SYN1: variants seen among roughly 807,000 people sequenced by gnomAD.
The protein encoded by SYN1 is synapsin-1.
Under a neutral mutation model 44.6 loss-of-function variants are expected in SYN1, and 8 were observed. The observed-to-expected ratio is 0.18, with a 90% CI of 0.11 to 0.32. The LOEUF (loss-of-function observed/expected upper bound fraction) is 0.32, where lower values mean the gene tolerates loss of function less well. Among genes scored for constraint, SYN1 ranks in the 10% least tolerant of loss-of-function variants. SYN1 has a pLI of 1.00. For synonymous variants in SYN1, 275 were observed against 280.1 expected (o/e 0.98, Z 0.18); for missense variants, 451 against 639.4 (o/e 0.71, Z 3.18).
intron 1 of SYN1, among the ~76,000 whole-genome samples, chrX:47,614,692 C>T (rs1363759757): frequency 8.9e-6 from 1 of 112,017 alleles, no homozygotes; most frequent in East Asian, 2.8e-4. Flanking sequence ...TCCTCAGCTT[C>T]TGGAATTATC....
chrX:47,594,374 T>G lies in SYN1; in HGVS notation c.774+10604A>C, dbSNP rs906850862. Among the ~76,000 whole-genome samples, 3 of 106,056 alleles carry G rather than the reference T, an allele frequency of 2.8e-5. No individual in the cohort carries two copies. In the East Asian group the frequency reaches 9.0e-4, roughly 32 times the overall value. The allele number at this position is 106,056 out of a possible 115,157, so 92.1% of individuals were successfully genotyped here. A position where few individuals can be genotyped will look rare whatever the true frequency, so the allele number is the denominator to read the frequency against. ...TGGTGAACCCCATCTCTACTAAAAATACAAAAATAATTAGCTGGGTGTGGT... is the reference window on the plus strand; with the variant it reads ...TGGTGAACCCCATCTCTACTAAAAAGACAAAAATAATTAGCTGGGTGTGGT... On this transcript the variant is annotated intron_variant, in intron 5 of 12. Coordinates refer to ENST00000295987, the MANE Select transcript of SYN1 (RefSeq NM_006950.3).
intron 5 of SYN1, among the ~76,000 whole-genome samples, chrX:47,599,990 A>G (rs965318835): frequency 8.0e-5 from 9 of 112,542 alleles, no homozygotes; most frequent in African/African-American, 2.6e-4. Flanking sequence ...CTTGAGATAA[A>G]GAAAAATATT....
At chrX:47,607,745 AC>A (rs1569331157) in intron 1 of SYN1, among the ~76,000 whole-genome samples, 7 of 107,289 alleles carry the variant, frequency 6.5e-5, no homozygotes, top group African/African-American at 2.4e-4. Context: ...AAAAAAAAAA[AC>A]AAAAGCCGAG....
At chrX:47,597,736 C>T (rs1405858279) in intron 5 of SYN1, among the ~76,000 whole-genome samples, 1 of 111,927 alleles carries the variant, frequency 8.9e-6, no homozygotes, top group Non-Finnish European at 1.9e-5. Context: ...GGCACCCAGA[C>T]ACATCATAAA....
At chrX:47,579,422 A>T (rs748424502) in intron 5 of SYN1, among the ~76,000 whole-genome samples, 16 of 110,871 alleles carry the variant, frequency 1.4e-4, no homozygotes, top group Non-Finnish European at 2.6e-4. Context: ...CCTGAGCCTC[A>T]GTTTCCCCAT....
chrX:47,615,922 C>A (rs1313955118), intron 1 of SYN1, among the ~76,000 whole-genome samples: 3 of 110,544 alleles, frequency 2.7e-5, no homozygotes, highest in Non-Finnish European at 5.7e-5. Context: ...AAACACAGGA[C>A]AAAATTACCC....
At chrX:47,595,019 G>A (rs1189032400) in intron 5 of SYN1, among the ~76,000 whole-genome samples, 4 of 111,067 alleles carry the variant, frequency 3.6e-5, no homozygotes, top group Admixed American at 1.9e-4. Context: ...GAGCCACTGC[G>A]CCTGGCTGTC....
At chrX:47,599,001 A>G (rs1481990884) in intron 5 of SYN1, among the ~76,000 whole-genome samples, 2 of 110,365 alleles carry the variant, frequency 1.8e-5, no homozygotes, top group Non-Finnish European at 3.8e-5. Context: ...GGCCTGGGTG[A>G]CAGAGCAAGA....
In SYN1 at chrX:47,576,152, G is replaced by A. The variant is rs762471804; in HGVS notation, c.1137C>T (p.Asp379=). ...ATACCTCAATGATGTGATCCCTTCCGTCCTTGCCATGTAGCGCTTCCACTG... is the reference window on the plus strand; with the variant it reads ...ATACCTCAATGATGTGATCCCTTCCATCCTTGCCATGTAGCGCTTCCACTG... ...ICAVEALHGK[D]GRDHIIEVVG... is the part of the protein sequence containing the mutation. Residue 379 remains aspartate (D), a synonymous_variant, in exon 9 of 13, where the codon GAC becomes GAT. Coordinates refer to ENST00000295987, the MANE Select transcript of SYN1 (RefSeq NM_006950.3). 68 of 1,200,983 alleles carry A rather than the reference G, an allele frequency of 5.7e-5. No individual in the cohort carries two copies. The highest frequency in any genetic ancestry group is 6.0e-5 in the Non-Finnish European group (53 of 890,581).
In SYN1 at chrX:47,591,316, C is replaced by T. The variant is rs868635523; in HGVS notation, c.774+13662G>A. On this transcript the variant is annotated intron_variant, in intron 5 of 12. Transcript: ENST00000295987. The stretch of plus-strand genomic sequence containing the variant: ...GAGGTGCTGCTGCCCTACCAGGCAC[C>T]AGGAATTAATGAGAAAAGTTGCTGT... Among the ~76,000 whole-genome samples the T allele has an allele frequency of 2.0e-4, 22 of 112,465 alleles. No homozygotes were observed. The Middle Eastern group carries it at 0.014, about 71-fold the overall frequency.
At chrX:47,603,904 A>AT (rs2057887264) in intron 5 of SYN1, among the ~76,000 whole-genome samples, 2 of 82,849 alleles carry the variant, frequency 2.4e-5, no homozygotes, top group Middle Eastern at 6.2e-3. Context: ...ATATATATAT[A>AT]TATTTTTTTT....
In SYN1 at chrX:47,574,021, G is replaced by T. The variant is rs1341881824; in HGVS notation, c.1963C>A (p.Pro655Thr). Residue 655 changes from proline (P) to threonine (T), a missense_variant, in exon 12 of 13, where the codon CCT becomes ACT. Physicochemically the swap from Pro to Thr is conservative, Grantham distance 38. This residue lies in a region of SYN1 where 127 missense variants were observed against 154.8 expected (regional missense o/e 0.82). Transcript: ENST00000295987. ...CCTTACTTGAGCTGGGGGTGCGGAG[G>T]TCCCCCTGCAGCGGCGGTGGCGGGT... ...PPPATAAAGG[P>T]PHPQLNKSQS... 3.5e-6 allele frequency: 4 copies of T among 1,147,679 alleles called. No individual in the cohort carries two copies. The African/African-American group carries it at 5.4e-5, about 16-fold the overall frequency. 94.6% of individuals were successfully genotyped at this position (1,147,679 alleles called of 1,213,427 possible). A position where few individuals can be genotyped will look rare whatever the true frequency, so the allele number is the denominator to read the frequency against.
intron 5 of SYN1, chrX:47,586,400 C>G: frequency 9.0e-7 from 1 of 1,111,403 alleles, no homozygotes; most frequent in Non-Finnish European, 1.2e-6. Flanking sequence ...GGGGTATGTA[C>G]TTAGGTGGGG....
chrX:47,578,723 G>A (rs1473852340), intron 5 of SYN1, among the ~76,000 whole-genome samples: 1 of 111,720 alleles, frequency 9.0e-6, no homozygotes, highest in Admixed American at 9.4e-5. Flanking sequence ...CAGCTGCACA[G>A]TGCCCCTCTG....
intron 5 of SYN1, among the ~76,000 whole-genome samples, chrX:47,595,674 G>T (rs1486530141): frequency 8.9e-6 from 1 of 111,782 alleles, no homozygotes; most frequent in African/African-American, 3.2e-5. Flanking sequence ...GAAATGAAAT[G>T]TCCTAGCTGT....
In SYN1 at chrX:47,614,715, C is replaced by G. The variant is rs781114796; in HGVS notation, c.377+4637G>C. 7.1e-4 allele frequency among the ~76,000 whole-genome samples: 80 copies of G among 111,989 alleles called. No individual in the cohort carries two copies. The South Asian group carries it at 0.01, about 14-fold the overall frequency. On this transcript the variant is annotated intron_variant, in intron 1 of 12. Transcript: ENST00000295987. ...TTCTGGAATTATCCGCTGCTGATGG[C>G]TCATAGGTGTCCCTCACTGGGCATT...
intron 5 of SYN1, among the ~76,000 whole-genome samples, chrX:47,594,011 G>A (rs1188349567): frequency 9.0e-6 from 1 of 111,423 alleles, no homozygotes; most frequent in Non-Finnish European, 1.9e-5. Context: ...CAGGTAGATC[G>A]CTCAGGCTCA....
chrX:47,613,131 C>CAA (rs752216661), intron 1 of SYN1, among the ~76,000 whole-genome samples: 59 of 37,325 alleles, frequency 1.6e-3, no homozygotes, highest in African/African-American at 3.5e-3. Flanking sequence ...ACTCCGTCTC[C>CAA]AAAAAAAAAA....
At chrX:47,589,595 CAAAAA>C (rs779225789) in intron 5 of SYN1, among the ~76,000 whole-genome samples, 1 of 29,927 alleles carries the variant, frequency 3.3e-5, no homozygotes, top group Non-Finnish European at 6.5e-5. Flanking sequence ...GACTCCGTCT[CAAAAA>C]AAAAAAAAAA....
Sources: allele counts gnomAD v4.1 joint callset (sites outside exome capture counted in the v4.1 genomes callset), GRCh38; gene constraint gnomAD v4.1.1; regional missense constraint gnomAD v4.1.1; transcripts MANE v1.5; gene names NCBI Gene and HGNC (gene_info 2026-07-23, HGNC 2026-07-21).